The following CFAP300 variants were observed in gnomAD, a reference collection of about 807,000 sequenced individuals.
CFAP300 encodes the protein cilia- and flagella-associated protein 300.
Under a neutral mutation model 33.0 loss-of-function variants are expected in CFAP300, and 32 were observed. The ratio of observed to expected loss-of-function variants is 0.97; its 90% CI spans 0.73 to 1.30. The LOEUF (loss-of-function observed/expected upper bound fraction) is 1.30, where lower values mean the gene tolerates loss of function less well. Among genes scored for constraint, CFAP300 ranks in the 50% most tolerant of loss-of-function variants. The pLI is 0.00. For missense variants in CFAP300, 356 were observed against 318.1 expected, an observed-to-expected ratio of 1.12 and a Z score of -0.90; for synonymous variants, 102 against 106.8, an observed-to-expected ratio of 0.95 and a Z score of 0.28.
intron 2 of CFAP300, among the ~76,000 whole-genome samples, chr11:102,050,746 G>C (rs7479928): frequency 6.6e-6 from 1 of 152,180 alleles, no homozygotes; most frequent in African/African-American, 2.4e-5. Context: ...AAGATGAGTA[G>C]GAATTCATCA....
In CFAP300 at chr11:102,066,609, T is replaced by A. The variant is rs1223336318; in HGVS notation, c.393T>A (p.Asp131Glu). 3 of 1,608,766 alleles carry A rather than the reference T, an allele frequency of 1.9e-6. No homozygotes were observed. The Admixed American group carries it at 5.1e-5, about 27-fold the overall frequency. ...RDSGHIVKCL[D>E]SFCDPFLISD... ...GTGGACATATTGTTAAATGTTTAGA[T>A]TCTTTTTGTGATCCATTTCTCATTT... Residue 131 changes from aspartate to glutamate, a missense_variant, in exon 4 of 7, where the codon GAT (aspartate) becomes GAA (glutamate). By Grantham distance (45) the Asp-to-Glu change is conservative. Coordinates refer to ENST00000434758, the MANE Select transcript of CFAP300 (RefSeq NM_032930.3).
intron 4 of CFAP300, among the ~76,000 whole-genome samples, chr11:102,071,726 A>G (rs1158917187): frequency 6.6e-6 from 1 of 152,098 alleles, no homozygotes; most frequent in Admixed American, 6.6e-5. Flanking sequence ...TGCTGGGTAT[A>G]GTATTTTTGG....
In CFAP300 at chr11:102,054,728, C is replaced by CAAA. The variant is rs542071172; in HGVS notation, c.193-4133_193-4131dup. Among the ~76,000 whole-genome samples the CAAA allele has an allele frequency of 2.3e-3, 165 of 70,906 alleles. 11 individuals are homozygous for CAAA. The highest frequency in any genetic ancestry group is 4.4e-3 in the African/African-American group (84 of 19,136). 46.5% of individuals were successfully genotyped at this position (70,906 alleles called of 152,430 possible). On this transcript the variant is annotated intron_variant, in intron 2 of 6. Transcript: ENST00000434758. ...TGAATGACAGAGCAAGACTTGGTCT[C>CAAA]AAAAAAAAAAAAAAAAAAAAAGTGA...
intron 3 of CFAP300, among the ~76,000 whole-genome samples, chr11:102,060,686 A>G (rs1942137226): frequency 1.3e-5 from 2 of 152,308 alleles, no homozygotes; most frequent in Non-Finnish European, 2.9e-5. Flanking sequence ...GATTGGTGAT[A>G]TGGATTTATA....
chr11:102,077,660 C>T (rs1024873124), intron 5 of CFAP300, among the ~76,000 whole-genome samples: 2 of 152,158 alleles, frequency 1.3e-5, no homozygotes, highest in Admixed American at 1.3e-4. Context: ...CTGCAACCTC[C>T]ACCTCCTGGG....
At chr11:102,048,636 T>A (rs1209594418) in intron 2 of CFAP300, among the ~76,000 whole-genome samples, 1 of 152,178 alleles carries the variant, frequency 6.6e-6, no homozygotes, top group Non-Finnish European at 1.5e-5. Flanking sequence ...GGCTTCAGGC[T>A]CTACCAACAG....
intron 2 of CFAP300, 142 bp downstream of exon 2, chr11:102,048,038 T>C: frequency 4.1e-6 from 3 of 736,222 alleles, no homozygotes; most frequent in Non-Finnish European, 6.4e-6. Context: ...GTGCAAATGA[T>C]TTTTTTAAAG....
At chr11:102,051,945 T>C (rs922017333) in intron 2 of CFAP300, among the ~76,000 whole-genome samples, 1 of 152,248 alleles carries the variant, frequency 6.6e-6, no homozygotes. Context: ...AGGAATCATC[T>C]TATATTTTTC....
chr11:102,054,922 A>G (rs1315601302), intron 2 of CFAP300, among the ~76,000 whole-genome samples: 1 of 151,558 alleles, frequency 6.6e-6, no homozygotes, highest in Admixed American at 6.6e-5. Context: ...CCTACTCCCT[A>G]CCCTCTCAAC....
At chr11:102,076,888 CTG>C (rs1401110130) in intron 5 of CFAP300, among the ~76,000 whole-genome samples, 9 of 152,122 alleles carry the variant, frequency 5.9e-5, no homozygotes, top group African/African-American at 1.9e-4. Flanking sequence ...TATAATCTCT[CTG>C]TGATTTTAAT....
intron 2 of CFAP300, among the ~76,000 whole-genome samples, chr11:102,050,203 T>G (rs1187009048): frequency 1.3e-5 from 2 of 152,194 alleles, no homozygotes; most frequent in African/African-American, 4.8e-5. Flanking sequence ...GTGCACAGAT[T>G]CAGCTGTCAG....
At chr11:102,068,179 A>G (rs970642002) in intron 4 of CFAP300, among the ~76,000 whole-genome samples, 1 of 151,876 alleles carries the variant, frequency 6.6e-6, no homozygotes, top group African/African-American at 2.4e-5. Context: ...AACAACTACT[A>G]TTAATTACTA....
At chr11:102,074,676 G>T (rs535682338) in intron 4 of CFAP300, among the ~76,000 whole-genome samples, 1 of 149,872 alleles carries the variant, frequency 6.7e-6, no homozygotes, top group South Asian at 2.1e-4. Context: ...TATTATTTGG[G>T]TCTTATTATA....
chr11:102,051,017 T>C (rs1469291477), intron 2 of CFAP300, among the ~76,000 whole-genome samples: 1 of 152,194 alleles, frequency 6.6e-6, no homozygotes, highest in Admixed American at 6.5e-5. Flanking sequence ...AGTACCAGTA[T>C]GGCCCAGATT....
At chr11:102,078,591 G>C (rs997922235) in intron 5 of CFAP300, among the ~76,000 whole-genome samples, 1 of 152,156 alleles carries the variant, frequency 6.6e-6, no homozygotes, top group African/African-American at 2.4e-5. Context: ...ATATTTTAAA[G>C]TAATACTAAT....
intron 2 of CFAP300, among the ~76,000 whole-genome samples, chr11:102,056,129 G>A (rs1366454476): frequency 6.6e-6 from 1 of 152,146 alleles, no homozygotes; most frequent in African/African-American, 2.4e-5. Context: ...CTCCTCTTAG[G>A]GAGCTTACAT....
At chr11:102,051,328 A>G (rs1261839239) in intron 2 of CFAP300, among the ~76,000 whole-genome samples, 1 of 152,108 alleles carries the variant, frequency 6.6e-6, no homozygotes, top group Non-Finnish European at 1.5e-5. Flanking sequence ...TGATGAGGAG[A>G]ATTTTCCACA....
At chr11:102,066,437 C>T (rs1486160168) in intron 3 of CFAP300, 48 bp from the exon 4 acceptor site, 1 of 1,392,600 alleles carries the variant, frequency 7.2e-7, no homozygotes, top group Non-Finnish European at 9.7e-7. Flanking sequence ...GTTGAGAATA[C>T]TAAATTAATT....
rs186936760 is a variant in CFAP300, at chr11:102,055,116, G to A, written c.193-3764G>A. On this transcript the variant is annotated intron_variant, in intron 2 of 6. Coordinates refer to ENST00000434758, the MANE Select transcript of CFAP300 (RefSeq NM_032930.3). ...CTGCCTTAGCCTCCTGAGTAGCTGG[G>A]ATTACAGGCACGTGCCACCACGCCC... is the stretch of plus-strand genomic sequence containing the variant. Among the ~76,000 whole-genome samples the A allele has an allele frequency of 1.5e-3, 222 of 151,660 alleles. 1 individual carries two copies. The Middle Eastern group carries it at 0.017, about 12-fold the overall frequency.
Sources: allele counts gnomAD v4.1 joint callset (sites outside exome capture counted in the v4.1 genomes callset), GRCh38; gene constraint gnomAD v4.1.1; transcripts MANE v1.5; gene names NCBI Gene and HGNC (gene_info 2026-07-23, HGNC 2026-07-21).